Variants in CIMAP3 observed in about 807,000 individuals in gnomAD.
The protein encoded by CIMAP3 is ciliary microtubule associated protein 3.
the CIMAP3 span, among the ~76,000 whole-genome samples, chr1:111,332,500 A>T: frequency 6.6e-6 from 1 of 152,258 alleles, no homozygotes; most frequent in East Asian, 1.9e-4. Context: ...GCATTTCTGC[A>T]GACAGTAGAC....
At chr1:111,340,229 G>A in the CIMAP3 span, among the ~76,000 whole-genome samples, 6 of 151,722 alleles carry the variant, frequency 4.0e-5, no homozygotes, top group East Asian at 1.9e-4. Flanking sequence ...AGACTTAAAC[G>A]TTAGACCTAA....
chr1:111,329,399 T>C, the CIMAP3 span, among the ~76,000 whole-genome samples: 4 of 151,860 alleles, frequency 2.6e-5, no homozygotes, highest in Admixed American at 2.0e-4. Context: ...CTCTCTAGCA[T>C]GGTTGGGGAA....
At chr1:111,328,828 G>A in the CIMAP3 span, among the ~76,000 whole-genome samples, 3 of 151,082 alleles carry the variant, frequency 2.0e-5, no homozygotes, top group African/African-American at 7.4e-5. Context: ...CTTTTAAGTG[G>A]GGCATTCAGC....
chr1:111,348,168 C>T, the CIMAP3 span, among the ~76,000 whole-genome samples: 1 of 152,270 alleles, frequency 6.6e-6, no homozygotes, highest in East Asian at 1.9e-4. Context: ...ATCCTAATCT[C>T]TTATTGGACG....
At chr1:111,344,918 C>A in the CIMAP3 span, among the ~76,000 whole-genome samples, 2 of 152,080 alleles carry the variant, frequency 1.3e-5, no homozygotes, top group Non-Finnish European at 2.9e-5. Flanking sequence ...TAATTTTAAA[C>A]CATAGTTTTA....
the CIMAP3 span, among the ~76,000 whole-genome samples, chr1:111,326,181 C>A: frequency 6.6e-6 from 1 of 152,138 alleles, no homozygotes; most frequent in Admixed American, 6.5e-5. Flanking sequence ...CTTCCAGTTA[C>A]TTTGAAATAT....
chr1:111,346,875 C>T, the CIMAP3 span: 2 of 1,607,912 alleles, frequency 1.2e-6, no homozygotes, highest in Non-Finnish European at 1.7e-6. Context: ...ACCCAGGTGC[C>T]GTCCCTCACG....
At chr1:111,350,821 C>T in the CIMAP3 span, among the ~76,000 whole-genome samples, 2 of 152,206 alleles carry the variant, frequency 1.3e-5, no homozygotes, top group Non-Finnish European at 2.9e-5. Context: ...TCATTTAACA[C>T]AGTACTTGAT....
At chr1:111,337,709 A>G in the CIMAP3 span, among the ~76,000 whole-genome samples, 1 of 152,208 alleles carries the variant, frequency 6.6e-6, no homozygotes, top group Admixed American at 6.5e-5. Context: ...GTCCTGAGTG[A>G]CCTACAAAGA....
the CIMAP3 span, chr1:111,351,187 G>A: frequency 2.0e-5 from 5 of 244,318 alleles, no homozygotes; most frequent in South Asian, 5.7e-5. Flanking sequence ...TTTTTTTTTT[G>A]CATAACTGGG....
chr1:111,330,816 G>A, the CIMAP3 span, among the ~76,000 whole-genome samples: 20 of 152,340 alleles, frequency 1.3e-4, no homozygotes, highest in East Asian at 3.3e-3. Context: ...ATCACTCAGT[G>A]CAATCAGCCC....
the CIMAP3 span, among the ~76,000 whole-genome samples, chr1:111,350,626 T>C: frequency 0.014 from 2,121 of 152,260 alleles, 41 homozygotes; most frequent in African/African-American, 0.046. Flanking sequence ...TGAGGAGCCA[T>C]AGAGAATTCA....
At chr1:111,351,639 T>G in the CIMAP3 span, 3 of 220,584 alleles carry the variant, frequency 1.4e-5, no homozygotes, top group African/African-American at 6.8e-5. Context: ...CAGGAGCCAA[T>G]TTTATATATT....
chr1:111,337,041 T>G, the CIMAP3 span, among the ~76,000 whole-genome samples: 2 of 152,148 alleles, frequency 1.3e-5, no homozygotes, highest in Non-Finnish European at 2.9e-5. Context: ...GGGGCCAATA[T>G]TCAACATTCT....
At chr1:111,346,632 T>A in the CIMAP3 span, 1 of 1,614,020 alleles carries the variant, frequency 6.2e-7, no homozygotes, top group African/African-American at 1.3e-5. Flanking sequence ...AGTACACAAG[T>A]GCTAGCCCTA....
At chr1:111,346,620 G>A in the CIMAP3 span, 366 of 1,613,786 alleles carry the variant, frequency 2.3e-4, no homozygotes, top group Non-Finnish European at 2.9e-4. Context: ...CCTTGGCAAC[G>A]CAGTACACAA....
At chr1:111,347,168 A>G in the CIMAP3 span, 3 of 1,194,996 alleles carry the variant, frequency 2.5e-6, no homozygotes, top group South Asian at 3.3e-5. Flanking sequence ...GAGTCCCAGC[A>G]TAAGAAAGCG....
At chr1:111,331,234 T>A in the CIMAP3 span, among the ~76,000 whole-genome samples, 1 of 152,188 alleles carries the variant, frequency 6.6e-6, no homozygotes, top group African/African-American at 2.4e-5. Context: ...TTCCTGAACC[T>A]GGATGTCTGT....
the CIMAP3 span, among the ~76,000 whole-genome samples, chr1:111,341,360 AT>A: frequency 6.6e-6 from 1 of 151,648 alleles, no homozygotes; most frequent in African/African-American, 2.4e-5. Context: ...AAGTATAATA[AT>A]AAAAAAAAAA....
Sources: gnomAD v4.1 joint callset for allele counts (sites outside exome capture counted in the v4.1 genomes callset) on GRCh38, gnomAD v4.1.1 for gene constraint, MANE v1.5 for transcripts, NCBI Gene and HGNC (gene_info 2026-07-23, HGNC 2026-07-21) for gene names.